The following SRPRB variants were observed in gnomAD, a reference collection of about 807,000 sequenced individuals.
The protein encoded by SRPRB is SRP receptor subunit beta.
SRPRB carries 20 observed loss-of-function variants against 31.9 expected under a neutral mutation model. That is an observed-to-expected ratio of 0.63 (90% CI 0.44 to 0.91). SRPRB has a LOEUF of 0.91. Ranked by LOEUF, SRPRB falls within the 40% of genes least tolerant of loss-of-function variation. The pLI, the probability that SRPRB is intolerant of heterozygous loss-of-function variation, is 0.00. For synonymous variants in SRPRB, 146 were observed against 132.8 expected, an observed-to-expected ratio of 1.10 and a Z score of -0.68; for missense variants, 321 against 324.9, an observed-to-expected ratio of 0.99 and a Z score of 0.09.
At chr3:133,787,006 T>G (rs1260979319) in intron 1 of SRPRB, 1 of 152,236 alleles carries the variant, frequency 6.6e-6, no homozygotes, top group Non-Finnish European at 1.5e-5. Context: ...TGTCTATACT[T>G]GTTCAATGGT....
chr3:133,811,306 T>C, intron 4 of SRPRB, 107 bp downstream of exon 4: 3 of 1,168,384 alleles, frequency 2.6e-6, no homozygotes, highest in Non-Finnish European at 2.5e-6. Flanking sequence ...TGGTATCCTG[T>C]GGTAGACCTT....
downstream of SRPRB, chr3:133,826,297 T>C (rs1198249884): frequency 6.6e-6 from 1 of 152,240 alleles, no homozygotes; most frequent in Non-Finnish European, 1.5e-5. Context: ...ATGCTATCTT[T>C]TACTGCTCCT....
At chr3:133,784,480 T>TA (rs1434596885) in intron 1 of SRPRB, 14 of 127,134 alleles carry the variant, frequency 1.1e-4, no homozygotes, top group African/African-American at 1.3e-4. Context: ...AAAATAATAA[T>TA]AATAATAATA....
At chr3:133,827,748 C>CACCCCCGCT, downstream of SRPRB, 2 of 15,982 alleles carry the variant, frequency 1.3e-4, no homozygotes, top group Non-Finnish European at 3.2e-4. Flanking sequence ...CAGACAACAC[C>CACCCCCGCT]CCCCCCCCCC....
intron 3 of SRPRB, 110 bp from the exon 4 acceptor site, chr3:133,811,007 T>G: frequency 1.0e-6 from 1 of 993,376 alleles, no homozygotes; most frequent in Non-Finnish European, 1.5e-6. Context: ...TTTGTGAACA[T>G]TTGTTTGGTT....
In SRPRB at chr3:133,784,471, A is replaced by AAAAAATAAT. The variant is rs763086171; in HGVS notation, c.-174+329_-174+330insAAATAATAA. On this transcript the variant is annotated intron_variant, in intron 1 of 7. Coordinates refer to the SRPRB transcript ENST00000466490. Reference sequence around the variant, plus strand: ...TCTTGTAAATTCCCATTTGTTAAAAAAATAATAATAATAATAATAATAATA... The same window carrying AAAAAATAAT: ...TCTTGTAAATTCCCATTTGTTAAAAAAAAAATAATAATAATAATAATAATAATAATAATA... 334 of 105,578 alleles carry AAAAAATAAT rather than the reference A, an allele frequency of 3.2e-3. 5 individuals carry two copies. The highest frequency in any genetic ancestry group is 0.012 in the African/African-American group (316 of 26,588). 6.5% of individuals were successfully genotyped at this position (105,578 alleles called of 1,614,324 possible).
rs1934897618 is a variant in SRPRB, at chr3:133,793,549, T to TA, written c.-174+9406dup. The TA allele has an allele frequency of 5.9e-5, 9 of 152,318 alleles. 1 individual carries two copies. In the South Asian group the frequency reaches 1.7e-3, roughly 28 times the overall value. 9.4% of individuals were successfully genotyped at this position (152,318 alleles called of 1,614,324 possible). A position where few individuals can be genotyped will look rare whatever the true frequency, so the allele number is the denominator to read the frequency against. On this transcript the variant is annotated intron_variant, in intron 1 of 7. Transcript: ENST00000466490. ...TATATTTTAGTGAATAATATTAATATATGTTCCAAAATTGTATGAGATTTC... is the reference window on the plus strand; with the variant it reads ...TATATTTTAGTGAATAATATTAATATAATGTTCCAAAATTGTATGAGATTTC...
chr3:133,806,600 A>C lies in SRPRB; in HGVS notation c.155-9A>C. On this transcript the variant is annotated splice_polypyrimidine_tract_variant and intron_variant, in intron 1 of 6. Coordinates refer to ENST00000678299, the MANE Select transcript of SRPRB (RefSeq NM_001379313.1). ...TAATTTTTGTTGTTTTTCTCTGTCT[A>C]TTCCACAGTCTTCTGGAAGTTAATC... The C allele has an allele frequency of 1.9e-6, 3 of 1,612,382 alleles. No individual in the cohort carries two copies. Among genetic ancestry groups the C allele is most frequent in the Non-Finnish European group, 2.5e-6 (3 of 1,178,448 alleles).
chr3:133,798,787 T>C (rs910440253), intron 1 of SRPRB, among the ~76,000 whole-genome samples: 5 of 152,202 alleles, frequency 3.3e-5, no homozygotes, highest in Non-Finnish European at 7.4e-5. Context: ...AGTCAAACTG[T>C]AAACTGCCTG....
chr3:133,815,449 T>A, intron 4 of SRPRB, 141 bp from the exon 5 acceptor site: 2 of 905,744 alleles, frequency 2.2e-6, no homozygotes, highest in Non-Finnish European at 3.4e-6. Context: ...TGTTATATGA[T>A]AACATATGCA....
At chr3:133,819,173 C>T (rs1438393024) in intron 6 of SRPRB, among the ~76,000 whole-genome samples, 1 of 152,202 alleles carries the variant, frequency 6.6e-6, no homozygotes, top group Admixed American at 6.5e-5. Context: ...CATACCCTAT[C>T]TACCCACACT....
chr3:133,822,366 G>A (rs374058005), downstream of SRPRB, among the ~76,000 whole-genome samples: 2 of 152,198 alleles, frequency 1.3e-5, no homozygotes, highest in East Asian at 1.9e-4. Context: ...CTCTGTTGGT[G>A]AATATGTCCA....
chr3:133,816,961 T>A (rs1376890075), intron 6 of SRPRB, 29 bp downstream of exon 6: 1 of 1,582,830 alleles, frequency 6.3e-7, no homozygotes, highest in Middle Eastern at 1.7e-4. Flanking sequence ...TGTTGGTTAA[T>A]TATATATCTT....
intron 3 of SRPRB, among the ~76,000 whole-genome samples, chr3:133,809,085 C>T (rs1040942366): frequency 4.6e-5 from 7 of 151,704 alleles, no homozygotes; most frequent in Admixed American, 3.3e-4. Context: ...CTCTGCCTCC[C>T]GAGTTGAAGC....
Position 133,819,794 on chromosome 3 carries a change from A to G in SRPRB, c.*28A>G. On this transcript the variant is annotated 3_prime_UTR_variant, in exon 7 of 7. Transcript: ENST00000678299. ...GGCAGCTCTAAAGCACAAGACCTGG[A>G]TGTGTGACACACAGTTTTGGAAAAA... The G allele has an allele frequency of 6.2e-7, 1 of 1,603,206 alleles. No homozygotes were observed. Among genetic ancestry groups the G allele is most frequent in the Non-Finnish European group, 8.5e-7 (1 of 1,172,910 alleles).
chr3:133,807,368 C>T (rs1191853393), intron 2 of SRPRB, among the ~76,000 whole-genome samples: 1 of 151,332 alleles, frequency 6.6e-6, no homozygotes, highest in African/African-American at 2.4e-5. Context: ...ATTCTCCCAC[C>T]TCAGCCTCCG....
At chr3:133,786,280 C>CTGAAA (rs1245606855) in intron 1 of SRPRB, 3 of 148,348 alleles carry the variant, frequency 2.0e-5, no homozygotes, top group African/African-American at 7.5e-5. Flanking sequence ...TCTAGATGTT[C>CTGAAA]TGAAATGCCT....
At position 133,806,602 on chromosome 3, in the gene SRPRB, T is replaced by A. The variant is rs781730877; in HGVS notation, c.155-7T>A. The A allele has an allele frequency of 1.2e-6, 2 of 1,613,386 alleles. No individual in the cohort carries two copies. The highest frequency in any genetic ancestry group is 2.2e-5 in the South Asian group (2 of 91,056). On this transcript the variant is annotated splice_polypyrimidine_tract_variant and splice_region_variant and intron_variant, in intron 1 of 6. Coordinates refer to ENST00000678299, the MANE Select transcript of SRPRB (RefSeq NM_001379313.1). ...ATTTTTGTTGTTTTTCTCTGTCTAT[T>A]CCACAGTCTTCTGGAAGTTAATCCG...
At chr3:133,806,830 A>G in intron 2 of SRPRB, 127 bp downstream of exon 2, 2 of 712,316 alleles carry the variant, frequency 2.8e-6, no homozygotes, top group Middle Eastern at 3.5e-4. Context: ...TTAATTCTTG[A>G]CTTACTTGGG....
Sources: allele counts gnomAD v4.1 joint callset (sites outside exome capture counted in the v4.1 genomes callset), GRCh38; gene constraint gnomAD v4.1.1; transcripts MANE v1.5; gene names NCBI Gene and HGNC (gene_info 2026-07-23, HGNC 2026-07-21).